The following FARP2 variants were observed in gnomAD, a reference collection of about 807,000 sequenced individuals.
The protein encoded by FARP2 is FERM, ARH/RhoGEF and pleckstrin domain protein 2.
A neutral mutation model predicts 130.5 loss-of-function variants in FARP2; 111 were observed. The ratio of observed to expected loss-of-function variants is 0.85; its 90% confidence interval spans 0.73 to 1.00. The LOEUF is 1.00. Among genes scored for constraint, FARP2 ranks in the 50% least tolerant of loss-of-function variants. The pLI, the probability that FARP2 is intolerant of heterozygous loss-of-function variation, is 0.00. For missense variants in FARP2, 1,385 were observed against 1,346.3 expected (o/e 1.03, Z -0.45); for synonymous variants, 504 against 516.9 (o/e 0.98, Z 0.34).
chr2:241,388,701 G>C (rs1157552966), intron 2 of FARP2, among the ~76,000 whole-genome samples: 1 of 152,144 alleles, frequency 6.6e-6, no homozygotes, highest in Non-Finnish European at 1.5e-5. Context: ...GGTGTCACTT[G>C]CCTAGAGTCC....
chr2:241,493,178 G>A (rs1426875909), intron 25 of FARP2, 115 bp from the exon 26 acceptor site: 3 of 1,292,026 alleles, frequency 2.3e-6, no homozygotes, highest in Non-Finnish European at 3.3e-6. Context: ...CAGGGAAACT[G>A]GCTCCCTTGG....
chr2:241,425,964 C>T (rs2062929743), intron 8 of FARP2, among the ~76,000 whole-genome samples: 1 of 150,806 alleles, frequency 6.6e-6, no homozygotes, highest in African/African-American at 2.4e-5. Flanking sequence ...GGGCTCTAGA[C>T]TAGAATTCTG....
chr2:241,374,074 C>T lies in FARP2; in HGVS notation c.183+784C>T, dbSNP rs1005539805. Among the ~76,000 whole-genome samples the T allele has an allele frequency of 4.7e-5, 7 of 150,236 alleles. 1 individual carries two copies. Among genetic ancestry groups the T allele is most frequent in the South Asian group, 4.2e-4 (2 of 4,778 alleles). On this transcript the variant is annotated intron_variant, in intron 2 of 26. Transcript: ENST00000264042. ...CAACCCAGGCTGGAGTGCAGTGGTGCGATCATGCCTCACTGCAGCCTGGAC... is the reference window on the plus strand; with the variant it reads ...CAACCCAGGCTGGAGTGCAGTGGTGTGATCATGCCTCACTGCAGCCTGGAC...
intron 13 of FARP2, chr2:241,456,472 A>G (rs774793949): frequency 1.2e-4 from 44 of 360,454 alleles, no homozygotes; most frequent in Non-Finnish European, 1.9e-4. Flanking sequence ...TAGAAACACA[A>G]GGTTGGTATC....
chr2:241,424,199 C>T (rs2062876064), intron 8 of FARP2, among the ~76,000 whole-genome samples: 1 of 152,176 alleles, frequency 6.6e-6, no homozygotes, highest in Admixed American at 6.6e-5. Flanking sequence ...TAAAACTGAT[C>T]ACATAATCGG....
At position 241,434,230 on chromosome 2, in the gene FARP2, G is replaced by A. The variant is rs1450114506; in HGVS notation, c.940G>A (p.Val314Met). 1.9e-6 allele frequency: 3 copies of A among 1,613,916 alleles called. No homozygotes were observed. The highest frequency in any genetic ancestry group is 2.2e-5 in the East Asian group (1 of 44,876). ...ATGTAAGAACTTCTGGAAGATTTGT[G>A]TGGAGTATCACACCTTTTTTAGACT... ...DECKNFWKIC[V>M]EYHTFFRLLD... Residue 314 changes from valine to methionine, a missense_variant, in exon 10 of 27, where the codon GTG (valine) becomes ATG (methionine). By Grantham distance (21) the Val-to-Met change is conservative. Coordinates refer to ENST00000264042, the MANE Select transcript of FARP2 (RefSeq NM_014808.4).
At chr2:241,489,916 A>C in intron 21 of FARP2, 46 bp from the exon 22 acceptor site, 1 of 1,336,352 alleles carries the variant, frequency 7.5e-7, no homozygotes, top group Non-Finnish European at 1.1e-6. Context: ...TTAGGCTGTC[A>C]GTTCCTTCTT....
chr2:241,410,913 C>G, intron 5 of FARP2, 120 bp from the exon 6 acceptor site: 1 of 673,004 alleles, frequency 1.5e-6, no homozygotes, highest in Non-Finnish European at 2.6e-6. Context: ...GCGTTTTGCT[C>G]ACTGTTGGGT....
chr2:241,418,144 G>A, intron 8 of FARP2, 35 bp downstream of exon 8: 1 of 1,611,586 alleles, frequency 6.2e-7, no homozygotes, highest in Non-Finnish European at 8.5e-7. Context: ...TGAGAACAGG[G>A]CAGGGGAGGT....
At chr2:241,456,963 G>A (rs372369550) in intron 14 of FARP2, 41 bp downstream of exon 14, 7 of 1,517,042 alleles carry the variant, frequency 4.6e-6, no homozygotes, top group African/African-American at 1.4e-5. Context: ...AGGGTTGCAG[G>A]GTGGGCCTGT....
At chr2:241,370,375 C>T (rs76397363) in intron 1 of FARP2, among the ~76,000 whole-genome samples, 5,067 of 152,042 alleles carry the variant, frequency 0.033, 506 homozygotes, top group Admixed American at 0.19. Flanking sequence ...AGATACATAC[C>T]GTATTTCTGA....
intron 13 of FARP2, chr2:241,446,363 A>C (rs757963992): frequency 4.6e-5 from 7 of 152,316 alleles, no homozygotes; most frequent in Non-Finnish European, 1.0e-4. Context: ...TAGTATGAAA[A>C]ATTTAAACCT....
chr2:241,493,126 C>A, intron 25 of FARP2, 90 bp downstream of exon 25: 1 of 1,137,524 alleles, frequency 8.8e-7, no homozygotes, highest in South Asian at 1.3e-5. Flanking sequence ...TATTTTGGTT[C>A]TGCCCTCCCA....
chr2:241,484,891 A>G (rs949276040), intron 21 of FARP2, among the ~76,000 whole-genome samples: 2 of 152,152 alleles, frequency 1.3e-5, no homozygotes, highest in Non-Finnish European at 2.9e-5. Flanking sequence ...GTGTCCCTGC[A>G]CTAGGCCTAG....
At chr2:241,447,621 G>A (rs2063541696) in intron 13 of FARP2, among the ~76,000 whole-genome samples, 5 of 152,298 alleles carry the variant, frequency 3.3e-5, no homozygotes, top group African/African-American at 1.2e-4. Flanking sequence ...GTAAATTACA[G>A]GGGAGGACGT....
chr2:241,475,790 G>C lies in FARP2; in HGVS notation c.2132-67G>C. 2 of 1,396,250 alleles carry C rather than the reference G, an allele frequency of 1.4e-6. No individual in the cohort carries two copies. The highest frequency in any genetic ancestry group is 9.5e-7 in the Non-Finnish European group (1 of 1,052,072). 86.5% of individuals were successfully genotyped at this position (1,396,250 alleles called of 1,614,324 possible). ...TTAGAATGCTGGTTCCTGTCACAAG[G>C]TGGTGGGTGGAGGGTGCTGTGCACA... On this transcript the variant is annotated intron_variant, in intron 18 of 26. Transcript: ENST00000264042. This position sits in a 1 kb window ranked among gnomAD's most constrained non-coding sequence, Gnocchi z 4.4.
chr2:241,366,126 T>TATATATATAC (rs1575453267), intron 1 of FARP2, among the ~76,000 whole-genome samples: 10 of 7,314 alleles, frequency 1.4e-3, no homozygotes, highest in South Asian at 4.3e-3. Flanking sequence ...TATATACGTA[T>TATATATATAC]ATATATATAT....
At chr2:241,360,319 A>C (rs1293962489) in intron 1 of FARP2, among the ~76,000 whole-genome samples, 9 of 152,204 alleles carry the variant, frequency 5.9e-5, no homozygotes, top group Non-Finnish European at 1.5e-5. Flanking sequence ...TTTAAGAGAA[A>C]GAATGCAAAG....
chr2:241,445,539 G>A (rs1334957486), intron 13 of FARP2: 2 of 152,246 alleles, frequency 1.3e-5, no homozygotes, highest in Non-Finnish European at 2.9e-5. Flanking sequence ...TCAGCCTGAG[G>A]CCATAGTGCC....
Sources: allele counts gnomAD v4.1 joint callset (sites outside exome capture counted in the v4.1 genomes callset), GRCh38; gene constraint gnomAD v4.1.1; non-coding constraint Gnocchi (gnomAD v3.1); transcripts MANE v1.5; gene names NCBI Gene and HGNC (gene_info 2026-07-23, HGNC 2026-07-21).